GRIK2: variants seen among roughly 807,000 people sequenced by gnomAD.
GRIK2 encodes glutamate ionotropic receptor kainate type subunit 2.
Under a neutral mutation model 100.3 loss-of-function variants are expected in GRIK2, and 32 were observed. The observed-to-expected ratio is 0.32, with a 90% CI of 0.24 to 0.43. The LOEUF (loss-of-function observed/expected upper bound fraction) is 0.43, where lower values mean the gene tolerates loss of function less well. Among genes scored for constraint, GRIK2 ranks in the 20% least tolerant of loss-of-function variants. The probability of loss-of-function intolerance (pLI) is 1.00; values close to 1 mark genes in which losing one functional copy is unlikely to be tolerated. For synonymous variants in GRIK2, 417 were observed against 389.4 expected, an observed-to-expected ratio of 1.07 and a Z score of -0.83; for missense variants, 843 against 1,114.9, an observed-to-expected ratio of 0.76 and a Z score of 3.47.
rs369937517 is a variant in GRIK2 at position 101,815,480 on chromosome 6, A to G, written c.1204-2890A>G. Among the ~76,000 whole-genome samples, 49 of 152,218 alleles carry G rather than the reference A, an allele frequency of 3.2e-4. No homozygotes were observed. The East Asian group carries it at 5.8e-3, about 18-fold the overall frequency. On this transcript the variant is annotated intron_variant, in intron 9 of 16. Transcript: ENST00000369134. ...AGAATGGCCCTATAATTTATTACAC[A>G]AATCATGATATTTTTTATTTGTACA... is the stretch of plus-strand genomic sequence containing the variant.
intron 7 of GRIK2, among the ~76,000 whole-genome samples, chr6:101,760,229 G>A (rs1303300333): frequency 1.4e-5 from 2 of 145,230 alleles, no homozygotes; most frequent in African/African-American, 5.2e-5. Flanking sequence ...GTTGAGTGAT[G>A]AAATACCTGT....
chr6:101,811,671 G>A (rs898094204), intron 9 of GRIK2, among the ~76,000 whole-genome samples: 22 of 151,680 alleles, frequency 1.5e-4, no homozygotes, highest in African/African-American at 3.6e-4. Flanking sequence ...ACATTGATCC[G>A]GTGTACACAA....
At chr6:101,464,512 T>C (rs1203412505) in intron 2 of GRIK2, among the ~76,000 whole-genome samples, 8 of 75,216 alleles carry the variant, frequency 1.1e-4, no homozygotes, top group African/African-American at 3.1e-4. Flanking sequence ...TTTTTTTTTT[T>C]TTTTTTTTTT....
At chr6:101,959,709 T>C (rs534302930) in intron 14 of GRIK2, among the ~76,000 whole-genome samples, 25 of 152,290 alleles carry the variant, frequency 1.6e-4, no homozygotes, top group African/African-American at 4.8e-4. Context: ...CTTTCTAATG[T>C]AGGTTTTTAA....
At chr6:101,510,785 G>A (rs1329311471) in intron 2 of GRIK2, among the ~76,000 whole-genome samples, 1 of 151,802 alleles carries the variant, frequency 6.6e-6, no homozygotes, top group East Asian at 1.9e-4. Context: ...GCCTCCCAAA[G>A]TGCTGGGATT....
At chr6:101,465,451 T>G (rs1284791241) in intron 2 of GRIK2, among the ~76,000 whole-genome samples, 1 of 152,206 alleles carries the variant, frequency 6.6e-6, no homozygotes, top group African/African-American at 2.4e-5. Context: ...CATGTTTTCA[T>G]TTTTTTAAAT....
At chr6:102,002,779 T>A (rs1795019275) in intron 14 of GRIK2, among the ~76,000 whole-genome samples, 1 of 150,874 alleles carries the variant, frequency 6.6e-6, no homozygotes, top group Admixed American at 6.6e-5. Context: ...TCCCACCTAT[T>A]ATCACAGATG....
intron 14 of GRIK2, among the ~76,000 whole-genome samples, chr6:102,026,055 T>C (rs1364411308): frequency 6.9e-6 from 1 of 145,554 alleles, no homozygotes; most frequent in Admixed American, 6.9e-5. Flanking sequence ...CAAGTTTCCT[T>C]ATCCTTAAAA....
In GRIK2 at chr6:101,518,745, A is replaced by G. The variant is rs1774717522; in HGVS notation, c.116-103204A>G. Among the ~76,000 whole-genome samples the G allele has an allele frequency of 2.0e-5, 3 of 152,178 alleles. No homozygotes were observed. In the South Asian group the frequency reaches 6.2e-4, roughly 31 times the overall value. ...GGGTCTGAGGAGGCCTGCAATAAAG[A>G]TGCCTATAAAAGTTACTTGACTAAG... On this transcript the variant is annotated intron_variant, in intron 2 of 16. Transcript: ENST00000369134.
intron 4 of GRIK2, among the ~76,000 whole-genome samples, chr6:101,627,801 G>C (rs1385078884): frequency 6.6e-6 from 1 of 152,028 alleles, no homozygotes; most frequent in Non-Finnish European, 1.5e-5. Context: ...CTAACTACAG[G>C]TTGTCTGCTT....
intron 14 of GRIK2, among the ~76,000 whole-genome samples, chr6:101,958,151 G>A (rs1792057036): frequency 6.6e-6 from 1 of 151,326 alleles, no homozygotes; most frequent in Non-Finnish European, 1.5e-5. Flanking sequence ...AGCATAGAAT[G>A]TTTTTCCATT....
At chr6:101,989,237 T>A (rs2128491751) in intron 14 of GRIK2, among the ~76,000 whole-genome samples, 1 of 152,076 alleles carries the variant, frequency 6.6e-6, no homozygotes, top group Non-Finnish European at 1.5e-5. Flanking sequence ...TGAAGCAACA[T>A]TAGGGTTTTA....
At position 101,737,623 on chromosome 6, in the gene GRIK2, TACAAGATGAGATTTGGGTGGGG is replaced by T. The variant is rs1359876868; in HGVS notation, c.951+51274_951+51295del. Reference sequence around the variant, plus strand: ...CACAACATGTGGCAATTATGGGAGCTACAAGATGAGATTTGGGTGGGGACACAGATCCAAACAATATCACATG... The same window carrying T: ...CACAACATGTGGCAATTATGGGAGCTACACAGATCCAAACAATATCACATG... On this transcript the variant is annotated intron_variant, in intron 7 of 16. Transcript: ENST00000369134. 7.2e-5 allele frequency among the ~76,000 whole-genome samples: 11 copies of T among 152,298 alleles called. No individual in the cohort carries two copies. In the South Asian group the frequency reaches 2.3e-3, roughly 32 times the overall value.
intron 3 of GRIK2, among the ~76,000 whole-genome samples, chr6:101,622,340 A>G (rs1469452738): frequency 1.3e-5 from 2 of 152,162 alleles, no homozygotes; most frequent in Non-Finnish European, 2.9e-5. Context: ...TCTGTTAGTG[A>G]AATTTTTTTT....
intron 14 of GRIK2, among the ~76,000 whole-genome samples, chr6:101,962,806 A>T (rs905157124): frequency 2.6e-5 from 4 of 152,040 alleles, no homozygotes; most frequent in Non-Finnish European, 4.4e-5. Flanking sequence ...TATAAAATAT[A>T]TTTTTTATAT....
intron 10 of GRIK2, among the ~76,000 whole-genome samples, chr6:101,847,651 C>T (rs1783888464): frequency 1.3e-5 from 2 of 152,226 alleles, no homozygotes; most frequent in Admixed American, 1.3e-4. Context: ...TACTGTTTAG[C>T]CAGGCAGTTT....
At chr6:101,516,733 T>C (rs1032259269) in intron 2 of GRIK2, among the ~76,000 whole-genome samples, 1 of 152,126 alleles carries the variant, frequency 6.6e-6, no homozygotes, top group African/African-American at 2.4e-5. Context: ...TAATAAAATA[T>C]AGACTTTCAT....
At chr6:101,528,447 A>G (rs1704389756) in intron 2 of GRIK2, among the ~76,000 whole-genome samples, 2 of 152,210 alleles carry the variant, frequency 1.3e-5, no homozygotes, top group Admixed American at 1.3e-4. Context: ...AGGTTTTGCT[A>G]TGAAATGAGC....
At chr6:101,680,189 T>C (rs1471604499) in intron 5 of GRIK2, among the ~76,000 whole-genome samples, 1 of 152,172 alleles carries the variant, frequency 6.6e-6, no homozygotes, top group East Asian at 1.9e-4. Context: ...CCTGTAGCCA[T>C]TGGAAATACA....
Sources: allele counts gnomAD v4.1 joint callset (sites outside exome capture counted in the v4.1 genomes callset), GRCh38; gene constraint gnomAD v4.1.1; transcripts MANE v1.5; gene names NCBI Gene and HGNC (gene_info 2026-07-23, HGNC 2026-07-21).